Variants in ATF1 observed in about 807,000 individuals in gnomAD.
The protein encoded by ATF1 is activating transcription factor 1.
ATF1 carries 16 observed loss-of-function variants against 34.7 expected under a neutral mutation model. That is an observed-to-expected ratio of 0.46 (90% CI 0.31 to 0.70). The LOEUF is 0.70. Ranked by LOEUF, ATF1 falls within the 30% of genes least tolerant of loss-of-function variation. ATF1 has a pLI of 0.05. For missense variants in ATF1, 255 were observed against 321.6 expected (o/e 0.79, Z 1.58); for synonymous variants, 105 against 113.1 (o/e 0.93, Z 0.46).
intron 2 of ATF1, among the ~76,000 whole-genome samples, chr12:50,792,184 AT>A (rs1051416256): frequency 6.6e-6 from 1 of 152,038 alleles, no homozygotes; most frequent in Admixed American, 6.6e-5. Context: ...GTACTTTGTA[AT>A]TTTCCTCTAT....
intron 2 of ATF1, among the ~76,000 whole-genome samples, chr12:50,788,776 T>TCAAA (rs1319475701): frequency 7.9e-5 from 12 of 152,174 alleles, no homozygotes; most frequent in Admixed American, 7.9e-4. Flanking sequence ...CTGGCTGAGG[T>TCAAA]CAAACAAGGT....
intron 3 of ATF1, among the ~76,000 whole-genome samples, chr12:50,808,006 TG>T (rs1941652574): frequency 6.6e-6 from 1 of 152,010 alleles, no homozygotes. Context: ...GATGGGGTTT[TG>T]CCAAGTTGGC....
chr12:50,817,294 T>C (rs1941863143), intron 6 of ATF1, among the ~76,000 whole-genome samples: 2 of 152,242 alleles, frequency 1.3e-5, no homozygotes, highest in African/African-American at 2.4e-5. Context: ...GAAAAAAGAA[T>C]AGGTACATAA....
chr12:50,798,434 G>A (rs569743563), intron 3 of ATF1, among the ~76,000 whole-genome samples: 1 of 151,226 alleles, frequency 6.6e-6, no homozygotes. Context: ...TCAGTCTTCC[G>A]AGTAGCTGGG....
chr12:50,800,740 C>T (rs896829504), intron 3 of ATF1, among the ~76,000 whole-genome samples: 5 of 152,164 alleles, frequency 3.3e-5, no homozygotes, highest in African/African-American at 4.8e-5. Flanking sequence ...CTTCCCTATC[C>T]ATGGAAAAAT....
At chr12:50,815,695 A>T (rs1018328076) in intron 6 of ATF1, among the ~76,000 whole-genome samples, 1 of 152,012 alleles carries the variant, frequency 6.6e-6, no homozygotes. Context: ...CCAGCCCCCA[A>T]AAATTTAAAA....
intron 3 of ATF1, among the ~76,000 whole-genome samples, chr12:50,806,074 C>T (rs1411623641): frequency 2.0e-5 from 3 of 151,624 alleles, no homozygotes; most frequent in Non-Finnish European, 4.4e-5. Context: ...TTGCTCGAAC[C>T]TGGGAGGCAG....
At chr12:50,804,619 C>G (rs933081100) in intron 3 of ATF1, among the ~76,000 whole-genome samples, 1 of 152,152 alleles carries the variant, frequency 6.6e-6, no homozygotes, top group Non-Finnish European at 1.5e-5. Context: ...CCACTACACT[C>G]TAGTGTGGGT....
intron 1 of ATF1, among the ~76,000 whole-genome samples, chr12:50,774,989 C>G (rs1209860499): frequency 6.6e-6 from 1 of 151,954 alleles, no homozygotes; most frequent in Non-Finnish European, 1.5e-5. Flanking sequence ...TGTGATCCGC[C>G]TGCCTCGGCC....
chr12:50,811,988 G>A (rs1168328184), intron 4 of ATF1, among the ~76,000 whole-genome samples: 1 of 152,314 alleles, frequency 6.6e-6, no homozygotes, highest in South Asian at 2.1e-4. Context: ...TCCCAGAATA[G>A]TAGCCACTAA....
At chr12:50,813,281 C>T (rs1941774566) in intron 4 of ATF1, among the ~76,000 whole-genome samples, 2 of 152,122 alleles carry the variant, frequency 1.3e-5, no homozygotes, top group South Asian at 4.1e-4. Context: ...TCTTAACTAT[C>T]ACTTAAGTAA....
At chr12:50,782,687 C>CTTTTTTT (rs71086480) in intron 2 of ATF1, among the ~76,000 whole-genome samples, 1 of 102,506 alleles carries the variant, frequency 9.8e-6, no homozygotes, top group Non-Finnish European at 2.1e-5. Context: ...TGTGGCCAGC[C>CTTTTTTT]TTTTTTTTTT....
chr12:50,783,581 GT>G (rs1941117895), intron 2 of ATF1, among the ~76,000 whole-genome samples: 1 of 151,906 alleles, frequency 6.6e-6, no homozygotes, highest in African/African-American at 2.4e-5. Context: ...AAATAATATG[GT>G]TGGCAGGCTG....
At chr12:50,790,523 A>G (rs975841716) in intron 2 of ATF1, among the ~76,000 whole-genome samples, 1 of 152,038 alleles carries the variant, frequency 6.6e-6, no homozygotes, top group Non-Finnish European at 1.5e-5. Flanking sequence ...CAATTTCTCT[A>G]TGCCCATATT....
chr12:50,807,422 A>T (rs1385188567), intron 3 of ATF1, among the ~76,000 whole-genome samples: 2 of 152,136 alleles, frequency 1.3e-5, no homozygotes, highest in Non-Finnish European at 2.9e-5. Flanking sequence ...AGAAAAAAAT[A>T]ATAAATAAAT....
At chr12:50,772,766 CAACTTTT>C (rs1255883536) in intron 1 of ATF1, among the ~76,000 whole-genome samples, 2 of 151,256 alleles carry the variant, frequency 1.3e-5, no homozygotes, top group African/African-American at 4.9e-5. Flanking sequence ...TTTTTCCCTT[CAACTTTT>C]AAGTTCCAGG....
At chr12:50,804,574 C>T (rs560325084) in intron 3 of ATF1, among the ~76,000 whole-genome samples, 1 of 152,178 alleles carries the variant, frequency 6.6e-6, no homozygotes, top group African/African-American at 2.4e-5. Flanking sequence ...TCCCAGCTGC[C>T]CAGGAGTTGG....
intron 1 of ATF1, among the ~76,000 whole-genome samples, chr12:50,778,748 T>C (rs993380747): frequency 3.3e-5 from 5 of 152,162 alleles, no homozygotes; most frequent in African/African-American, 4.8e-5. Context: ...CCACCACCCC[T>C]GGCTAATTTT....
Position 50,773,890 on chromosome 12 carries a change from G to A in ATF1, c.-6-6250G>A, listed in dbSNP as rs566509522. 2.6e-5 allele frequency among the ~76,000 whole-genome samples: 4 copies of A among 152,136 alleles called. 1 individual carries two copies. In the South Asian group the frequency reaches 8.3e-4, roughly 32 times the overall value. ...CAGGTGTGAGTCACCATGCCAGGCC[G>A]GTAATCGCCATTTGACTGACGTGAG... On this transcript the variant is annotated intron_variant, in intron 1 of 6. Transcript: ENST00000262053.
Sources: gnomAD v4.1 joint callset for allele counts (sites outside exome capture counted in the v4.1 genomes callset) on GRCh38, gnomAD v4.1.1 for gene constraint, MANE v1.5 for transcripts, NCBI Gene and HGNC (gene_info 2026-07-23, HGNC 2026-07-21) for gene names.